TLE1: variants seen among roughly 807,000 people sequenced by gnomAD.
TLE1 encodes the protein transducin-like enhancer protein 1.
Under a neutral mutation model 89.8 loss-of-function variants are expected in TLE1, and 21 were observed. That is an observed-to-expected ratio of 0.23 (90% CI 0.17 to 0.34). TLE1 has a LOEUF of 0.34. Among genes scored for constraint, TLE1 ranks in the 10% least tolerant of loss-of-function variants. The probability of loss-of-function intolerance (pLI) is 1.00; values close to 1 mark genes in which losing one functional copy is unlikely to be tolerated. For missense variants in TLE1, 795 were observed against 1,031.2 expected, an observed-to-expected ratio of 0.77 and a Z score of 3.14; for synonymous variants, 447 against 407.6, an observed-to-expected ratio of 1.10 and a Z score of -1.16.
Position 81,595,751 on chromosome 9 carries a change from G to A in TLE1, c.1332-2477C>T, listed in dbSNP as rs561492164. The stretch of plus-strand genomic sequence containing the variant: ...GGAGAATGGCGTGAACCTGGGAGGC[G>A]GAGCTTGTGGTGAGCCGAGATTGTG... On this transcript the variant is annotated intron_variant, in intron 14 of 19. Transcript: ENST00000376499. Among the ~76,000 whole-genome samples, 491 of 151,206 alleles carry A rather than the reference G, an allele frequency of 3.2e-3. 4 individuals carry two copies. Among genetic ancestry groups the A allele is most frequent in the Non-Finnish European group, 5.1e-3 (347 of 67,852 alleles).
At chr9:81,601,621 A>G (rs1237752685) in intron 14 of TLE1, among the ~76,000 whole-genome samples, 2 of 151,998 alleles carry the variant, frequency 1.3e-5, no homozygotes, top group African/African-American at 4.8e-5. Context: ...AAAAAAGTCT[A>G]ACTAAACTTT....
intron 18 of TLE1, among the ~76,000 whole-genome samples, chr9:81,584,961 T>TCTAC (rs1183590507): frequency 4.9e-5 from 6 of 121,300 alleles, no homozygotes; most frequent in African/African-American, 1.4e-4. Context: ...TAGGCACTCA[T>TCTAC]CCACCCATCC....
chr9:81,666,067 G>A (rs772806043), intron 4 of TLE1, among the ~76,000 whole-genome samples: 1 of 152,056 alleles, frequency 6.6e-6, no homozygotes, highest in Non-Finnish European at 1.5e-5. Context: ...AGCTGTTTTA[G>A]TTCCTAAATA....
At position 81,590,931 on chromosome 9, in the gene TLE1, G is replaced by A. The variant is rs780219889; in HGVS notation, c.1703C>T (p.Ala568Val). The A allele has an allele frequency of 3.7e-6, 6 of 1,614,242 alleles. No individual in the cohort carries two copies. Among genetic ancestry groups the A allele is most frequent in the Non-Finnish European group, 5.1e-6 (6 of 1,180,040 alleles). Reference protein sequence around the residue: ...DLAAPTPRIKAELTSSAPACY... With the variant: ...DLAAPTPRIKVELTSSAPACY... ...GGCGGGGGCCGAGGACGTCAGCTCCGCCTTGATGCGCGGGGTTGGAGCCGC... is the reference window on the plus strand; with the variant it reads ...GGCGGGGGCCGAGGACGTCAGCTCCACCTTGATGCGCGGGGTTGGAGCCGC... Residue 568 changes from alanine to valine, a missense_variant, in exon 16 of 20, where the codon GCG becomes GTG. By Grantham distance (64) the Ala-to-Val change is moderately conservative (BLOSUM62 0). Coordinates refer to ENST00000376499, the MANE Select transcript of TLE1 (RefSeq NM_005077.5).
At position 81,613,389 on chromosome 9, in the gene TLE1, C is replaced by A; in HGVS notation, c.1051G>T (p.Val351Phe). 1 of 1,613,914 alleles carries A rather than the reference C, an allele frequency of 6.2e-7. No individual in the cohort carries two copies. The highest frequency in any genetic ancestry group is 8.5e-7 in the Non-Finnish European group (1 of 1,179,914). Residue 351 changes from valine to phenylalanine, a missense_variant, in exon 12 of 20, where the codon GTT becomes TTT. Transcript: ENST00000376499. Reference sequence around the variant, plus strand: ...GGCGATGCTGTACCCGCTTGGTTAACGAGGGGGTCTATGGCTGGAGGCTTG... The same window carrying A: ...GGCGATGCTGTACCCGCTTGGTTAAAGAGGGGGTCTATGGCTGGAGGCTTG... ...LGKPPAIDPL[V>F]NQAAAGLRTP...
At chr9:81,606,885 ATC>A (rs1413062074) in intron 14 of TLE1, among the ~76,000 whole-genome samples, 2 of 152,052 alleles carry the variant, frequency 1.3e-5, no homozygotes, top group East Asian at 3.9e-4. Context: ...TATTAAGTCT[ATC>A]TTCCTCACAT....
chr9:81,629,496 T>C (rs1380420726), intron 8 of TLE1, among the ~76,000 whole-genome samples: 5 of 152,230 alleles, frequency 3.3e-5, no homozygotes, highest in Admixed American at 3.3e-4. Context: ...GCTAGCTTTA[T>C]TGTTCATCCC....
intron 6 of TLE1, among the ~76,000 whole-genome samples, chr9:81,644,931 T>C (rs1225995177): frequency 7.1e-6 from 1 of 140,708 alleles, no homozygotes; most frequent in African/African-American, 2.7e-5. Context: ...GAAGCGGAGG[T>C]TGCAGTGAGC....
At chr9:81,672,104 G>A (rs552935284) in intron 4 of TLE1, among the ~76,000 whole-genome samples, 4 of 152,234 alleles carry the variant, frequency 2.6e-5, no homozygotes, top group South Asian at 2.1e-4. Context: ...CCATGAACGC[G>A]GAGCTTCTCA....
chr9:81,612,255 C>T, intron 12 of TLE1: 1 of 1,082,694 alleles, frequency 9.2e-7, no homozygotes, highest in Non-Finnish European at 1.1e-6. Flanking sequence ...ACCCAATTTA[C>T]AGAGGGCAAA....
intron 4 of TLE1, among the ~76,000 whole-genome samples, chr9:81,679,319 T>C (rs1202298442): frequency 6.6e-6 from 1 of 152,156 alleles, no homozygotes; most frequent in Non-Finnish European, 1.5e-5. Flanking sequence ...TTTTCTTTTT[T>C]TTTCCCCTGT....
intron 9 of TLE1, 126 bp from the exon 10 acceptor site, chr9:81,616,825 G>T: frequency 1.0e-6 from 1 of 972,796 alleles, no homozygotes; most frequent in Non-Finnish European, 1.6e-6. Flanking sequence ...AGGCCTGCAG[G>T]CTCTCTATCA....
Position 81,687,354 on chromosome 9 carries a change from G to A in TLE1, c.105C>T (p.Phe35=), listed in dbSNP as rs372529003. The stretch of plus-strand genomic sequence containing the variant: ...CGCACCTGTGATACTGCGCCTGCAG[G>A]AACTGGAATTCCTCTTTAATCCGGT... ...SLDRIKEEFQ[F]LQAQYHSLKL... is the part of the protein sequence containing the mutation. The change falls in exon 2 of 20, where the codon TTC becomes TTT. Residue 35 remains phenylalanine (F), a synonymous_variant. Transcript: ENST00000376499. The A allele has an allele frequency of 1.6e-5, 26 of 1,607,906 alleles. No individual in the cohort carries two copies. The highest frequency in any genetic ancestry group is 2.2e-4 in the Middle Eastern group (1 of 4,594).
Position 81,647,033 on chromosome 9 carries a change from GT to G in TLE1, c.372+5180del, listed in dbSNP as rs933011046. Among the ~76,000 whole-genome samples, 17 of 149,492 alleles carry G rather than the reference GT, an allele frequency of 1.1e-4. No homozygotes were observed. In the East Asian group the frequency reaches 1.6e-3, roughly 14 times the overall value. ...AGGTTGCCTAAACCCGAATTTCATGGTTTTTTTTTTCTCTTGTGCATAGGTT... is the reference window on the plus strand; with the variant it reads ...AGGTTGCCTAAACCCGAATTTCATGGTTTTTTTTTCTCTTGTGCATAGGTT... On this transcript the variant is annotated intron_variant, in intron 6 of 19. Transcript: ENST00000376499.
Position 81,680,404 on chromosome 9 carries a change from C to A in TLE1, c.234+5272G>T, listed in dbSNP as rs139643002. Among the ~76,000 whole-genome samples the A allele has an allele frequency of 2.0e-3, 306 of 152,302 alleles. 1 individual carries two copies. Among genetic ancestry groups the A allele is most frequent in the Admixed American group, 4.1e-3 (63 of 15,304 alleles). ...TGTCCTCACCCTATTCCCAACTCCC[C>A]CTGTTGGATCCTGCCCTAATACAAA... On this transcript the variant is annotated intron_variant, in intron 4 of 19. Transcript: ENST00000376499.
chr9:81,589,553 A>G (rs1177556342), intron 16 of TLE1, among the ~76,000 whole-genome samples: 2 of 152,170 alleles, frequency 1.3e-5, no homozygotes, highest in Admixed American at 6.5e-5. Flanking sequence ...TTCAGAGTAC[A>G]GACGAGAGCA....
chr9:81,684,876 G>T (rs567079691), intron 4 of TLE1, among the ~76,000 whole-genome samples: 2 of 152,134 alleles, frequency 1.3e-5, no homozygotes, highest in African/African-American at 4.8e-5. Context: ...CTACTCAATC[G>T]AGGGTCCTTT....
chr9:81,686,184 G>A (rs1588279843), intron 2 of TLE1, among the ~76,000 whole-genome samples: 1 of 152,150 alleles, frequency 6.6e-6, no homozygotes, highest in Non-Finnish European at 1.5e-5. Context: ...ATGGTCATCT[G>A]CTCCCTACCT....
At chr9:81,613,631 C>T (rs1357919380) in intron 11 of TLE1, 110 bp from the exon 12 acceptor site, 8 of 1,267,950 alleles carry the variant, frequency 6.3e-6, no homozygotes, top group Non-Finnish European at 8.8e-6. Context: ...ACTCCCTCAG[C>T]CAATTTTCAT....
Sources: allele counts gnomAD v4.1 joint callset (sites outside exome capture counted in the v4.1 genomes callset), GRCh38; gene constraint gnomAD v4.1.1; transcripts MANE v1.5; gene names NCBI Gene and HGNC (gene_info 2026-07-23, HGNC 2026-07-21).